The following SLC18A2 variants were observed in gnomAD, a reference collection of about 807,000 sequenced individuals.
The protein encoded by SLC18A2 is synaptic vesicular amine transporter.
SLC18A2 carries 33 observed loss-of-function variants against 59.2 expected under a neutral mutation model. The ratio of observed to expected loss-of-function variants is 0.56; its 90% CI spans 0.42 to 0.75. The LOEUF (loss-of-function observed/expected upper bound fraction) is 0.75, where lower values mean the gene tolerates loss of function less well. SLC18A2 is among the 30% of genes least tolerant of loss of function. SLC18A2 has a pLI of 0.00. For missense variants in SLC18A2, 569 were observed against 668.6 expected (o/e 0.85, Z 1.64); for synonymous variants, 228 against 253.5 (o/e 0.90, Z 0.95).
At chr10:117,263,121 T>C (rs1803681892) in intron 10 of SLC18A2, among the ~76,000 whole-genome samples, 1 of 152,148 alleles carries the variant, frequency 6.6e-6, no homozygotes, top group Non-Finnish European at 1.5e-5. Flanking sequence ...GAGATAGACA[T>C]GTCTGTCTTT....
chr10:117,253,020 C>T (rs969976966), intron 3 of SLC18A2, among the ~76,000 whole-genome samples: 2 of 152,154 alleles, frequency 1.3e-5, no homozygotes, highest in South Asian at 2.1e-4. Flanking sequence ...CACTTGATGG[C>T]CTTTTACCCG....
intron 10 of SLC18A2, among the ~76,000 whole-genome samples, chr10:117,260,442 T>TCCTCGTATTGTCCCTTCTC (rs1222285988): frequency 6.6e-6 from 1 of 151,946 alleles, no homozygotes; most frequent in Non-Finnish European, 1.5e-5. Context: ...GCTCACTTCT[T>TCCTCGTATTGTCCCTTCTC]CCTCGTATTG....
chr10:117,257,099 A>G (rs985996557), intron 9 of SLC18A2, among the ~76,000 whole-genome samples: 1 of 152,232 alleles, frequency 6.6e-6, no homozygotes, highest in Non-Finnish European at 1.5e-5. Flanking sequence ...GTGCACCTTC[A>G]TCACGATTGC....
intron 10 of SLC18A2, among the ~76,000 whole-genome samples, 185 bp downstream of exon 10, chr10:117,258,077 C>G (rs1480025460): frequency 2.6e-5 from 4 of 152,158 alleles, no homozygotes; most frequent in African/African-American, 7.2e-5. Context: ...TATCCATCAT[C>G]CCTGAGGGGT....
chr10:117,277,125 CAAG>C (rs749543883), intron 15 of SLC18A2, 34 bp from the exon 16 acceptor site: 1 of 1,156,420 alleles, frequency 8.6e-7, no homozygotes, highest in South Asian at 1.3e-5. Context: ...CTTTATGAAA[CAAG>C]AAGTTAATAT....
At chr10:117,273,566 C>T (rs1475170354) in intron 15 of SLC18A2, among the ~76,000 whole-genome samples, 1 of 152,120 alleles carries the variant, frequency 6.6e-6, no homozygotes, top group Non-Finnish European at 1.5e-5. Flanking sequence ...GGATGCCATG[C>T]GTGGGGCAAG....
At chr10:117,267,803 C>G in intron 13 of SLC18A2, 67 bp downstream of exon 13, 4 of 1,235,716 alleles carry the variant, frequency 3.2e-6, no homozygotes, top group Non-Finnish European at 4.7e-6. Flanking sequence ...TCTTCTTCCT[C>G]TGGTAGACTG....
chr10:117,269,699 G>T lies in SLC18A2; in HGVS notation c.1187-372G>T, dbSNP rs1333529429. On this transcript the variant is annotated intron_variant, in intron 13 of 15. Transcript: ENST00000644641. This position sits in a 1 kb window ranked among gnomAD's most constrained non-coding sequence, Gnocchi z 5.1. ...TCCCCTCCACATGTGTCAGTGGCAG[G>T]CACATGAGGAAAGTTTCTTTCATTG... is the stretch of plus-strand genomic sequence containing the variant. Among the ~76,000 whole-genome samples, 1 of 152,172 alleles carries T rather than the reference G, an allele frequency of 6.6e-6. No homozygotes were observed. The highest frequency in any genetic ancestry group is 1.9e-4 in the East Asian group (1 of 5,196).
chr10:117,259,646 C>G (rs981253504), intron 10 of SLC18A2, among the ~76,000 whole-genome samples: 45 of 152,206 alleles, frequency 3.0e-4, no homozygotes, highest in African/African-American at 1.0e-3. Flanking sequence ...AATCATTTCC[C>G]TTGGGAGTTT....
Position 117,276,644 on chromosome 10 carries a change from A to AAGAAAGAAAGAAAGAC in SLC18A2, c.1441-509_1441-508insGAAAGACAGAAAGAAA, listed in dbSNP as rs57151913. Among the ~76,000 whole-genome samples, 164 of 132,784 alleles carry AAGAAAGAAAGAAAGAC rather than the reference A, an allele frequency of 1.2e-3. 4 individuals are homozygous for AAGAAAGAAAGAAAGAC. The highest frequency in any genetic ancestry group is 4.0e-3 in the Middle Eastern group (1 of 250). The allele number at this position is 132,784 out of a possible 152,430, so 87.1% of individuals were successfully genotyped here. A position where few individuals can be genotyped will look rare whatever the true frequency, so the allele number is the denominator to read the frequency against. On this transcript the variant is annotated intron_variant, in intron 15 of 15. Coordinates refer to ENST00000644641, the MANE Select transcript of SLC18A2 (RefSeq NM_003054.6). ...AAAAAAAAAAAAAAAGAAAGAAAGA[A>AAGAAAGAAAGAAAGAC]AGAAAGAAAAAGATACCAGAACCAG...
rs1362561667 is a variant in SLC18A2 at position 117,269,160 on chromosome 10, CATACACACATACAT to C, written c.1187-897_1187-884del. Among the ~76,000 whole-genome samples, 1 of 52,250 alleles carries C rather than the reference CATACACACATACAT, an allele frequency of 1.9e-5. No homozygotes were observed. The highest frequency in any genetic ancestry group is 5.0e-5 in the African/African-American group (1 of 19,880). The allele number at this position is 52,250 out of a possible 152,430, so 34.3% of individuals were successfully genotyped here. On this transcript the variant is annotated intron_variant, in intron 13 of 15. Transcript: ENST00000644641. This position sits in a 1 kb window ranked among gnomAD's most constrained non-coding sequence, Gnocchi z 5.1. ...ACACCCACCCACATACATATGCACA[CATACACACATACAT>C]ATACACACATACACACACACCTACA...
intron 13 of SLC18A2, 47 bp downstream of exon 13, chr10:117,267,783 T>G (rs980602696): frequency 7.0e-7 from 1 of 1,431,294 alleles, no homozygotes; most frequent in Admixed American, 1.7e-5. Flanking sequence ...GCTTTTCCAC[T>G]AGGAAGGGTT....
intron 10 of SLC18A2, among the ~76,000 whole-genome samples, chr10:117,258,571 TTA>T (rs67337083): frequency 0.13 from 7,739 of 59,058 alleles, 282 homozygotes; most frequent in East Asian, 0.24. Context: ...TAATTAAATT[TTA>T]TTTTTTTTTA....
chr10:117,266,044 C>T (rs953513428), intron 10 of SLC18A2, among the ~76,000 whole-genome samples: 2 of 140,980 alleles, frequency 1.4e-5, no homozygotes, highest in African/African-American at 2.6e-5. Context: ...GAGCCAAGAT[C>T]GTGCCGCTGC....
Position 117,244,021 on chromosome 10 carries a change from A to G in SLC18A2, c.172A>G (p.Thr58Ala), listed in dbSNP as rs960628614. The change falls in exon 3 of 16, where the codon ACA becomes GCA. Residue 58 changes from threonine (T) to alanine (A), a missense_variant. Thr to Ala is a moderately conservative substitution (Grantham distance 58). Transcript: ENST00000644641. ...LYSIKHEKNA[T>A]EIQTARPVHT... ...CAGCATTAAGCATGAGAAGAATGCT[A>G]CAGAAATCCAGACGGCCAGGCCAGT... 2 of 1,613,970 alleles carry G rather than the reference A, an allele frequency of 1.2e-6. No individual in the cohort carries two copies. The highest frequency in any genetic ancestry group is 1.7e-6 in the Non-Finnish European group (2 of 1,180,032).
At chr10:117,250,884 C>T (rs1745379054) in intron 3 of SLC18A2, among the ~76,000 whole-genome samples, 2 of 152,188 alleles carry the variant, frequency 1.3e-5, no homozygotes, top group South Asian at 2.1e-4. Context: ...GATGGGTTAC[C>T]TGGAATACTG....
intron 10 of SLC18A2, among the ~76,000 whole-genome samples, chr10:117,264,078 C>T (rs767838588): frequency 2.0e-5 from 3 of 152,234 alleles, no homozygotes; most frequent in Admixed American, 6.5e-5. Flanking sequence ...ATGGCCAGCT[C>T]ATCTCCCCGC....
At chr10:117,265,436 T>C (rs995422243) in intron 10 of SLC18A2, among the ~76,000 whole-genome samples, 2 of 152,150 alleles carry the variant, frequency 1.3e-5, no homozygotes, top group African/African-American at 4.8e-5. Flanking sequence ...GTCTCACTTA[T>C]GCAGTCCTCT....
intron 10 of SLC18A2, among the ~76,000 whole-genome samples, chr10:117,264,142 G>A (rs1844323298): frequency 6.6e-6 from 1 of 152,236 alleles, no homozygotes; most frequent in Non-Finnish European, 1.5e-5. Context: ...GGCCGTGGCT[G>A]AAGCCAGATT....
Sources: gnomAD v4.1 joint callset for allele counts (sites outside exome capture counted in the v4.1 genomes callset) on GRCh38, gnomAD v4.1.1 for gene constraint, Gnocchi (gnomAD v3.1) non-coding constraint, MANE v1.5 for transcripts, NCBI Gene and HGNC (gene_info 2026-07-23, HGNC 2026-07-21) for gene names.